Variants in OBP2B observed in about 807,000 individuals in gnomAD.
The protein encoded by OBP2B is odorant binding protein 2B, also known as odorant-binding protein 2b.
Under a neutral mutation model 21.7 loss-of-function variants are expected in OBP2B, and 10 were observed. That is an observed-to-expected ratio of 0.46 (90% CI 0.28 to 0.78). The LOEUF is 0.78. OBP2B is among the 30% of genes least tolerant of loss of function. The pLI, the probability that OBP2B is intolerant of heterozygous loss-of-function variation, is 0.11. For missense variants in OBP2B, 153 were observed against 217.7 expected (o/e 0.70, Z 1.87); for synonymous variants, 73 against 91.5 (o/e 0.80, Z 1.16).
chr9:133,217,378 G>C, the OBP2B span, among the ~76,000 whole-genome samples: 4 of 152,246 alleles, frequency 2.6e-5, no homozygotes, highest in Non-Finnish European at 5.9e-5. Flanking sequence ...GAGCCAGCAG[G>C]CGCTTCTCTT....
At position 133,208,222 on chromosome 9, in the gene OBP2B, G is replaced by A. The variant is rs369919479; in HGVS notation, c.207-19C>T. On this transcript the variant is annotated intron_variant, in intron 2 of 6. Coordinates refer to ENST00000372034, the MANE Select transcript of OBP2B (RefSeq NM_014581.4). ...CTCCCTCCTGGAAAACAGGAGACACGCGGGCAGCGGCTCCCAGGACACCCA... is the reference window on the plus strand; with the variant it reads ...CTCCCTCCTGGAAAACAGGAGACACACGGGCAGCGGCTCCCAGGACACCCA... 56 of 1,611,478 alleles carry A rather than the reference G, an allele frequency of 3.5e-5. 1 individual carries two copies. Among genetic ancestry groups the A allele is most frequent in the African/African-American group, 1.3e-4 (10 of 74,830 alleles).
At chr9:133,222,062 G>A in the OBP2B span, among the ~76,000 whole-genome samples, 1 of 152,104 alleles carries the variant, frequency 6.6e-6, no homozygotes, top group Admixed American at 6.5e-5. Context: ...GATTCTAGGG[G>A]CTTTACACCA....
intron 4 of OBP2B, 76 bp downstream of exon 4, chr9:133,207,150 T>G: frequency 9.8e-7 from 1 of 1,018,188 alleles, no homozygotes; most frequent in Non-Finnish European, 1.6e-6. Context: ...TGCCAGGGCA[T>G]GGTGGTGCTG....
At chr9:133,212,363 A>G (rs552964686), upstream of OBP2B, among the ~76,000 whole-genome samples, 1 of 152,386 alleles carries the variant, frequency 6.6e-6, no homozygotes, top group Non-Finnish European at 1.5e-5. Context: ...ACCTGGCAAC[A>G]GCACTACACA....
the OBP2B span, among the ~76,000 whole-genome samples, chr9:133,216,804 A>T: frequency 6.6e-6 from 1 of 152,222 alleles, no homozygotes; most frequent in African/African-American, 2.4e-5. Flanking sequence ...CATTCTTGCA[A>T]TGAGCAGATT....
In OBP2B at chr9:133,207,606, G is replaced by A. The variant is rs569545385; in HGVS notation, c.278-270C>T. 7.1e-4 allele frequency among the ~76,000 whole-genome samples: 108 copies of A among 152,196 alleles called. 1 individual carries two copies. Among genetic ancestry groups the A allele is most frequent in the African/African-American group, 2.4e-3 (100 of 41,512 alleles). On this transcript the variant is annotated intron_variant, in intron 3 of 6. Transcript: ENST00000372034. Reference sequence around the variant, plus strand: ...GCAGCTGCTCCTGCCCCACTTCCCTGTCCCTAACCCTCATCTTCCCCCTCA... The same window carrying A: ...GCAGCTGCTCCTGCCCCACTTCCCTATCCCTAACCCTCATCTTCCCCCTCA...
At chr9:133,208,770 G>A (rs1394123413) in intron 1 of OBP2B, among the ~76,000 whole-genome samples, 168 bp from the exon 2 acceptor site, 5 of 152,134 alleles carry the variant, frequency 3.3e-5, no homozygotes, top group Non-Finnish European at 7.4e-5. Context: ...GTGAGTTAGA[G>A]CCAGCCCCCT....
chr9:133,207,097 C>T, intron 4 of OBP2B, 129 bp downstream of exon 4: 1 of 683,076 alleles, frequency 1.5e-6, no homozygotes, highest in Non-Finnish European at 2.6e-6. Flanking sequence ...CCCAGCGGTG[C>T]CCGGCACATG....
Position 133,207,257 on chromosome 9 carries a change from A to G in OBP2B, c.357T>C (p.His119=). The change falls in exon 4 of 7, where the codon CAT becomes CAC. Residue 119 remains histidine, a synonymous_variant. Transcript: ENST00000372034. ...HYIFYCKDQH[H]GGLLHMGKLV... Reference sequence around the variant, plus strand: ...GCTTTCCCATGTGGAGCAGGCCCCCATGGTGCTGGTCTTTGCAGTAAAAGA... The same window carrying G: ...GCTTTCCCATGTGGAGCAGGCCCCCGTGGTGCTGGTCTTTGCAGTAAAAGA... 3 of 1,613,732 alleles carry G rather than the reference A, an allele frequency of 1.9e-6. No homozygotes were observed. Among genetic ancestry groups the G allele is most frequent in the Non-Finnish European group, 1.7e-6 (2 of 1,179,742 alleles).
At position 133,206,062 on chromosome 9, in the gene OBP2B, C is replaced by T. The variant is rs549513886; in HGVS notation, c.491-122G>A. ...CAGCCCAGAGCGCGGAGCCCCAGAC[C>T]CCATCGCAGCCCAGAGCGCGGAGCC... On this transcript the variant is annotated intron_variant, in intron 5 of 6. Coordinates refer to ENST00000372034, the MANE Select transcript of OBP2B (RefSeq NM_014581.4). 31 of 1,266,630 alleles carry T rather than the reference C, an allele frequency of 2.4e-5. No individual in the cohort carries two copies. In the South Asian group the frequency reaches 3.3e-4, roughly 13 times the overall value. 78.5% of individuals were successfully genotyped at this position (1,266,630 alleles called of 1,614,324 possible).
At chr9:133,206,580 C>T (rs1360262244) in intron 4 of OBP2B, 164 bp from the exon 5 acceptor site, 1 of 815,288 alleles carries the variant, frequency 1.2e-6, no homozygotes, top group Non-Finnish European at 1.9e-6. Context: ...GAGATGGCCA[C>T]TGCCCAGCAC....
rs782439491 is a variant in OBP2B, at chr9:133,207,332, C to G, written c.282G>C (p.Gly94=). The stretch of plus-strand genomic sequence containing the variant: ...CCTGCAGGTACATGAGCTTCCTGCC[C>G]CCATCTGTAGATGACAGAGAAAATG... ...TEEPGKYSAY[G]GRKLMYLQEL... The change falls in exon 4 of 7, where the codon GGG becomes GGC. Residue 94 remains glycine (G), a synonymous_variant. Coordinates refer to ENST00000372034, the MANE Select transcript of OBP2B (RefSeq NM_014581.4). 6 of 1,603,190 alleles carry G rather than the reference C, an allele frequency of 3.7e-6. No individual in the cohort carries two copies. The African/African-American group carries it at 5.4e-5, about 14-fold the overall frequency.
At chr9:133,222,239 A>T in the OBP2B span, among the ~76,000 whole-genome samples, 15 of 152,342 alleles carry the variant, frequency 9.8e-5, no homozygotes, top group African/African-American at 3.6e-4. Flanking sequence ...GGCATCCAAC[A>T]GCAGGAGGCG....
At chr9:133,211,452 C>T (rs1357697481), upstream of OBP2B, among the ~76,000 whole-genome samples, 1 of 152,202 alleles carries the variant, frequency 6.6e-6, no homozygotes, top group Non-Finnish European at 1.5e-5. Flanking sequence ...AGTTGTAGAT[C>T]GTTCCTGGTG....
chr9:133,206,165 A>G, intron 5 of OBP2B, 150 bp downstream of exon 5: 4 of 1,104,830 alleles, frequency 3.6e-6, no homozygotes, highest in Non-Finnish European at 5.4e-6. Context: ...AATGAGGAGG[A>G]CGCTAAACAG....
upstream of OBP2B, among the ~76,000 whole-genome samples, chr9:133,213,726 T>C (rs1833943271): frequency 6.6e-6 from 1 of 152,188 alleles, no homozygotes; most frequent in Non-Finnish European, 1.5e-5. Context: ...AAAAACACAA[T>C]GCCAATATAA....
Position 133,208,537 on chromosome 9 carries a change from G to A in OBP2B, c.138C>T (p.Pro46=), listed in dbSNP as rs1478498612. 2.5e-6 allele frequency: 4 copies of A among 1,613,506 alleles called. No individual in the cohort carries two copies. The African/African-American group carries it at 5.3e-5, about 22-fold the overall frequency. The change falls in exon 2 of 7, where the codon CCC becomes CCT. Residue 46 remains proline, a synonymous_variant. Coordinates refer to ENST00000372034, the MANE Select transcript of OBP2B (RefSeq NM_014581.4). ...TCACCTTCACTGGGGACACCTTCCTGGGCCTCCTGTCCTCCGGAAAGTCCT... is the reference window on the plus strand; with the variant it reads ...TCACCTTCACTGGGGACACCTTCCTAGGCCTCCTGTCCTCCGGAAAGTCCT... ...VDKDFPEDRR[P]RKVSPVKVTA...
the OBP2B span, among the ~76,000 whole-genome samples, chr9:133,216,494 A>C: frequency 1.8e-3 from 275 of 152,094 alleles, no homozygotes; most frequent in African/African-American, 6.3e-3. Context: ...TAAAAAAAAA[A>C]AACCCTGCAA....
the OBP2B span, among the ~76,000 whole-genome samples, chr9:133,215,693 C>T: frequency 6.6e-6 from 1 of 152,092 alleles, no homozygotes; most frequent in Non-Finnish European, 1.5e-5. Context: ...TACAGGCTAC[C>T]CTTTCAAGAC....
Sources: gnomAD v4.1 joint callset for allele counts (sites outside exome capture counted in the v4.1 genomes callset) on GRCh38, gnomAD v4.1.1 for gene constraint, MANE v1.5 for transcripts, NCBI Gene and HGNC (gene_info 2026-07-23, HGNC 2026-07-21) for gene names.